The following PDE1A variants were observed in gnomAD, a reference collection of about 807,000 sequenced individuals.
PDE1A encodes dual specificity calcium/calmodulin-dependent 3',5'-cyclic nucleotide phosphodiesterase 1A.
In PDE1A, 35 loss-of-function variants were observed where a neutral mutation model predicts 61.7. The observed-to-expected ratio is 0.57, with a 90% confidence interval of 0.43 to 0.75. The LOEUF (loss-of-function observed/expected upper bound fraction) is 0.75. Among genes scored for constraint, PDE1A ranks in the 30% least tolerant of loss-of-function variants. The probability of loss-of-function intolerance (pLI) is 0.00; values close to 1 mark genes in which losing one functional copy is unlikely to be tolerated. For synonymous variants in PDE1A, 232 were observed against 213.2 expected (o/e 1.09, Z -0.77); for missense variants, 597 against 630.6 (o/e 0.95, Z 0.57).
chr2:182,641,574 C>A, the PDE1A span, among the ~76,000 whole-genome samples: 355 of 152,190 alleles, frequency 2.3e-3, 3 homozygotes, highest in African/African-American at 8.1e-3. Flanking sequence ...TAAAATGAAT[C>A]ATTATGATGA....
At chr2:182,196,537 G>C (rs538441353) in intron 10 of PDE1A, among the ~76,000 whole-genome samples, 2 of 151,544 alleles carry the variant, frequency 1.3e-5, no homozygotes, top group Non-Finnish European at 3.0e-5. Context: ...AAATCTGAAG[G>C]GTATAAACAG....
At chr2:182,221,305 C>G (rs1475465263) in intron 7 of PDE1A, among the ~76,000 whole-genome samples, 1 of 152,092 alleles carries the variant, frequency 6.6e-6, no homozygotes, top group Non-Finnish European at 1.5e-5. Context: ...GATAACAAAT[C>G]ACTTGCTTTC....
At chr2:182,568,235 TTAAAC>T in the PDE1A span, among the ~76,000 whole-genome samples, 30 of 152,338 alleles carry the variant, frequency 2.0e-4, no homozygotes, top group Non-Finnish European at 3.5e-4. Context: ...TAACGAGTTA[TTAAAC>T]TAAAGTTTAC....
chr2:182,348,905 A>G (rs905547796), intron 1 of PDE1A, among the ~76,000 whole-genome samples: 4 of 152,112 alleles, frequency 2.6e-5, no homozygotes, highest in Non-Finnish European at 5.9e-5. Context: ...AGAACTCAAG[A>G]CAGAAAAGGC....
chr2:182,349,720 A>G (rs1032990466), intron 1 of PDE1A, among the ~76,000 whole-genome samples: 2 of 152,152 alleles, frequency 1.3e-5, no homozygotes, highest in Non-Finnish European at 1.5e-5. Flanking sequence ...AGATTGCACC[A>G]CTGCACTCCA....
At chr2:182,164,397 A>T (rs530772793), downstream of PDE1A, among the ~76,000 whole-genome samples, 48 of 152,152 alleles carry the variant, frequency 3.2e-4, no homozygotes, top group Non-Finnish European at 5.7e-4. Context: ...GAATATTGGT[A>T]ACACAGAAAT....
intron 7 of PDE1A, among the ~76,000 whole-genome samples, chr2:182,222,506 C>T (rs555958497): frequency 2.6e-5 from 4 of 151,960 alleles, no homozygotes; most frequent in Admixed American, 1.3e-4. Flanking sequence ...CCCATAGAAC[C>T]CATAATGCAA....
At chr2:182,342,067 G>A (rs919455472) in intron 1 of PDE1A, among the ~76,000 whole-genome samples, 2 of 152,052 alleles carry the variant, frequency 1.3e-5, no homozygotes, top group Non-Finnish European at 2.9e-5. Context: ...ACCACACCCG[G>A]CCCTTTTCTA....
chr2:182,559,935 G>A, the PDE1A span, among the ~76,000 whole-genome samples: 1 of 151,980 alleles, frequency 6.6e-6, no homozygotes, highest in Non-Finnish European at 1.5e-5. Context: ...ATTTGTAAGA[G>A]ACAGGATAAG....
chr2:182,542,698 T>A, the PDE1A span, among the ~76,000 whole-genome samples: 6 of 152,230 alleles, frequency 3.9e-5, no homozygotes, highest in Non-Finnish European at 8.8e-5. Flanking sequence ...TTAGAATTTC[T>A]ACACTACGGG....
intron 13 of PDE1A, among the ~76,000 whole-genome samples, chr2:182,177,867 T>G (rs1684404032): frequency 6.6e-6 from 1 of 152,196 alleles, no homozygotes; most frequent in Non-Finnish European, 1.5e-5. Context: ...TTCCATCACA[T>G]TAAATCACTT....
intron 2 of PDE1A, among the ~76,000 whole-genome samples, chr2:182,507,859 A>G (rs368735741): frequency 3.9e-5 from 6 of 152,094 alleles, no homozygotes; most frequent in Non-Finnish European, 7.4e-5. Context: ...AAAGGAACCC[A>G]TTAATCCATA....
intron 1 of PDE1A, among the ~76,000 whole-genome samples, chr2:182,274,817 T>C (rs374264155): frequency 6.6e-6 from 1 of 152,138 alleles, no homozygotes; most frequent in Non-Finnish European, 1.5e-5. Flanking sequence ...GAAATGTAGC[T>C]TTTGTAGCCA....
At chr2:182,417,849 T>C (rs905819880) in intron 1 of PDE1A, among the ~76,000 whole-genome samples, 3 of 152,206 alleles carry the variant, frequency 2.0e-5, no homozygotes, top group African/African-American at 7.2e-5. Flanking sequence ...AAGTTTGTTG[T>C]GTTTTGTTTT....
At chr2:182,295,139 A>G (rs1418516486) in intron 1 of PDE1A, among the ~76,000 whole-genome samples, 3 of 126,988 alleles carry the variant, frequency 2.4e-5, no homozygotes, top group East Asian at 2.4e-4. Flanking sequence ...CAGTGGCGCA[A>G]TCTCGGCTCA....
At chr2:182,269,495 AAAAT>A (rs1429773097) in intron 1 of PDE1A, among the ~76,000 whole-genome samples, 1 of 152,138 alleles carries the variant, frequency 6.6e-6, no homozygotes, top group East Asian at 1.9e-4. Context: ...TGTCTCAAAA[AAAAT>A]AAATAAATAA....
the PDE1A span, among the ~76,000 whole-genome samples, chr2:182,569,979 A>G: frequency 9.2e-5 from 14 of 152,188 alleles, no homozygotes; most frequent in African/African-American, 3.4e-4. Flanking sequence ...ACCACTTGTG[A>G]TATTCCCAAG....
At chr2:182,244,430 T>TAA (rs1410816919) in intron 2 of PDE1A, among the ~76,000 whole-genome samples, 1 of 152,124 alleles carries the variant, frequency 6.6e-6, no homozygotes, top group African/African-American at 2.4e-5. Flanking sequence ...ATGTCTCTTT[T>TAA]AAGTTTTGTG....
chr2:182,197,046 A>T (rs1686189763), intron 10 of PDE1A, among the ~76,000 whole-genome samples: 1 of 151,856 alleles, frequency 6.6e-6, no homozygotes, highest in Admixed American at 6.6e-5. Flanking sequence ...CCTGTGATGT[A>T]TGTATGATAC....
Sources: gnomAD v4.1 joint callset for allele counts (sites outside exome capture counted in the v4.1 genomes callset) on GRCh38, gnomAD v4.1.1 for gene constraint, MANE v1.5 for transcripts, NCBI Gene and HGNC (gene_info 2026-07-23, HGNC 2026-07-21) for gene names.